Variants in KDM2B observed in about 807,000 individuals in gnomAD.
KDM2B encodes lysine-specific demethylase 2B.
KDM2B carries 26 observed loss-of-function variants against 150.0 expected under a neutral mutation model. That is an observed-to-expected ratio of 0.17 (90% CI 0.13 to 0.24). The LOEUF is 0.24. Among genes scored for constraint, KDM2B ranks in the 10% least tolerant of loss-of-function variants. The pLI, the probability that KDM2B is intolerant of heterozygous loss-of-function variation, is 1.00. For synonymous variants in KDM2B, 734 were observed against 729.5 expected (o/e 1.01, Z -0.10); for missense variants, 1,265 against 1,816.9 (o/e 0.70, Z 5.52).
chr12:121,501,017 C>A (rs1346416605), intron 11 of KDM2B, among the ~76,000 whole-genome samples: 19 of 152,288 alleles, frequency 1.2e-4, no homozygotes, highest in Admixed American at 1.1e-3. Context: ...AGGAGAATTG[C>A]TGGAACCCAG....
chr12:121,423,391 G>C, the KDM2B span: 1 of 1,603,316 alleles, frequency 6.2e-7, no homozygotes, highest in Non-Finnish European at 8.5e-7. The surrounding 1 kb of genome is among the most constrained non-coding windows in gnomAD (Gnocchi z 4.3). Flanking sequence ...TTCAGATGGC[G>C]AGCGGCTGCA....
At chr12:121,411,515 C>A in the KDM2B span, among the ~76,000 whole-genome samples, 1 of 152,154 alleles carries the variant, frequency 6.6e-6, no homozygotes, top group Non-Finnish European at 1.5e-5. Context: ...TTCCCTAATT[C>A]ATTGTAAAAC....
chr12:121,450,796 G>A (rs1158358301), intron 13 of KDM2B, among the ~76,000 whole-genome samples: 3 of 151,726 alleles, frequency 2.0e-5, no homozygotes, highest in African/African-American at 7.3e-5. Flanking sequence ...AGGAGGTGGA[G>A]CTTGCAGTGA....
At chr12:121,534,851 G>A (rs530164073) in intron 6 of KDM2B, among the ~76,000 whole-genome samples, 4 of 152,232 alleles carry the variant, frequency 2.6e-5, no homozygotes, top group Admixed American at 2.0e-4. Flanking sequence ...AGGTTCTTGC[G>A]AGAAGTGGCA....
intron 12 of KDM2B, among the ~76,000 whole-genome samples, chr12:121,475,619 C>A (rs1881276613): frequency 1.3e-5 from 2 of 151,216 alleles, no homozygotes; most frequent in South Asian, 4.2e-4. Context: ...AAAAAACAGG[C>A]ACAGTGGCTC....
chr12:121,453,006 C>T lies in KDM2B; in HGVS notation c.1959+114G>A. 1.0e-6 allele frequency: 1 copy of T among 994,828 alleles called. No individual in the cohort carries two copies. The highest frequency in any genetic ancestry group is 1.4e-6 in the Non-Finnish European group (1 of 699,076). 61.6% of individuals were successfully genotyped at this position (994,828 alleles called of 1,614,324 possible). On this transcript the variant is annotated intron_variant, in intron 13 of 22. Transcript: ENST00000377071. The surrounding 1 kb of genome is among the most constrained non-coding windows in gnomAD (Gnocchi z 6.4). ...ACAGGAAGAGCTCTCGGGGAGTCCA[C>T]AGCCCCGGCTTCTCTGTGTGCGGAG...
intron 2 of KDM2B, among the ~76,000 whole-genome samples, chr12:121,577,832 G>A (rs1555317084): frequency 6.6e-6 from 1 of 152,214 alleles, no homozygotes; most frequent in Admixed American, 6.5e-5. Context: ...TCCTCAACCA[G>A]GAGCCACACT....
intron 1 of KDM2B, chr12:121,580,411 G>A: frequency 8.6e-7 from 1 of 1,157,280 alleles, no homozygotes; most frequent in South Asian, 3.0e-5. Context: ...AGGGAGCCCG[G>A]GAGGCACCGG....
chr12:121,409,449 C>T, the KDM2B span: 1 of 152,268 alleles, frequency 6.6e-6, no homozygotes, highest in Non-Finnish European at 1.5e-5. Flanking sequence ...ACAGCCCTTT[C>T]CACTCAGGAA....
chr12:121,543,962 A>C (rs541636171), intron 6 of KDM2B, among the ~76,000 whole-genome samples: 1 of 151,866 alleles, frequency 6.6e-6, no homozygotes, highest in Non-Finnish European at 1.5e-5. Flanking sequence ...ATATCTAACA[A>C]AATTAGCCAG....
chr12:121,425,814 C>T (rs1031664354), downstream of KDM2B, among the ~76,000 whole-genome samples: 100 of 150,852 alleles, frequency 6.6e-4, 1 homozygote, highest in Admixed American at 5.3e-4. Context: ...TTGCCCAGGC[C>T]GGAGTGCAGT....
chr12:121,416,463 TTTCTGTTTATAAAAATATCA>T, the KDM2B span: 1 of 928,288 alleles, frequency 1.1e-6, no homozygotes, highest in East Asian at 2.4e-5. Flanking sequence ...TGAATTTTCA[TTTCTGTTTATAAAAATATCA>T]AAAGCTTAGT....
chr12:121,476,618 A>C (rs2139839738), intron 12 of KDM2B, among the ~76,000 whole-genome samples: 1 of 152,170 alleles, frequency 6.6e-6, no homozygotes, highest in East Asian at 1.9e-4. Flanking sequence ...TGAAACAAAG[A>C]GATAGTTCAA....
At chr12:121,556,909 T>C (rs1555312828) in intron 4 of KDM2B, among the ~76,000 whole-genome samples, 2 of 150,098 alleles carry the variant, frequency 1.3e-5, no homozygotes, top group African/African-American at 4.9e-5. Context: ...CAAAGTGAAC[T>C]AAGCCAGTAA....
At chr12:121,440,716 A>G in intron 21 of KDM2B, 100 bp downstream of exon 21, 1 of 1,173,584 alleles carries the variant, frequency 8.5e-7, no homozygotes, top group South Asian at 1.5e-5. Context: ...ACTCATCCCT[A>G]TGTCCTTTGG....
intron 12 of KDM2B, among the ~76,000 whole-genome samples, chr12:121,463,711 C>T (rs966008922): frequency 6.6e-6 from 1 of 152,158 alleles, no homozygotes. Flanking sequence ...CTCCGAGTAG[C>T]TGGGACTACA....
chr12:121,427,497 A>G (rs951454204), downstream of KDM2B, among the ~76,000 whole-genome samples: 9 of 152,144 alleles, frequency 5.9e-5, no homozygotes, highest in Non-Finnish European at 8.8e-5. Flanking sequence ...AGCTGAGATC[A>G]TACCACTGCA....
intron 9 of KDM2B, chr12:121,516,935 G>A: frequency 1.6e-6 from 1 of 634,300 alleles, no homozygotes; most frequent in Non-Finnish European, 2.8e-6. Flanking sequence ...GAGAGGGAAG[G>A]TAAATTATTT....
chr12:121,442,113 C>A lies in KDM2B; in HGVS notation c.3284+44G>T. The A allele has an allele frequency of 1.3e-6, 2 of 1,541,986 alleles. No individual in the cohort carries two copies. The highest frequency in any genetic ancestry group is 8.9e-7 in the Non-Finnish European group (1 of 1,117,522). On this transcript the variant is annotated intron_variant, in intron 19 of 22. Transcript: ENST00000377071. The surrounding 1 kb of genome is among the most constrained non-coding windows in gnomAD (Gnocchi z 7.7). The stretch of plus-strand genomic sequence containing the variant: ...CACACACCACGGGCCATCCCTGGTG[C>A]CGCCTGAGCCTTAACCTAGAGCCCT...
Sources: allele counts gnomAD v4.1 joint callset (sites outside exome capture counted in the v4.1 genomes callset), GRCh38; gene constraint gnomAD v4.1.1; non-coding constraint Gnocchi (gnomAD v3.1); transcripts MANE v1.5; gene names NCBI Gene and HGNC (gene_info 2026-07-23, HGNC 2026-07-21).